Variants in PSG11 observed in about 807,000 individuals in gnomAD.
PSG11 encodes the protein pregnancy-specific beta-1-glycoprotein 11.
PSG11 carries 42 observed loss-of-function variants against 36.0 expected under a neutral mutation model. The ratio of observed to expected loss-of-function variants is 1.17; its 90% CI spans 0.91 to 1.51. PSG11 has a LOEUF of 1.51. Among genes scored for constraint, PSG11 ranks in the 40% most tolerant of loss-of-function variants. The pLI, the probability that PSG11 is intolerant of heterozygous loss-of-function variation, is 0.00. For synonymous variants in PSG11, 206 were observed against 153.5 expected (o/e 1.34, Z -2.53); for missense variants, 558 against 403.5 (o/e 1.38, Z -3.28).
At chr19:43,022,889 G>T in intron 2 of PSG11, among the ~76,000 whole-genome samples, 1 of 150,502 alleles carries the variant, frequency 6.6e-6, no homozygotes, top group African/African-American at 2.5e-5. Flanking sequence ...GAATAGAACA[G>T]CCAGCCTAGT....
rs550910186 is a variant in PSG11 at position 43,022,775 on chromosome 19, A to T, written c.430+1916T>A. On this transcript the variant is annotated intron_variant, in intron 2 of 5. Coordinates refer to ENST00000320078, the MANE Select transcript of PSG11 (RefSeq NM_002785.3). ...AGCTCATTCTCTTAGTGACCTGGGG[A>T]CATTGGCTCGAGATGAAGCCTGGCA... Among the ~76,000 whole-genome samples the T allele has an allele frequency of 7.6e-3, 1,150 of 150,968 alleles. 47 individuals carry two copies. Among genetic ancestry groups the T allele is most frequent in the African/African-American group, 0.026 (1,067 of 40,888 alleles).
chr19:43,021,063 A>G (rs1341198233), intron 2 of PSG11, among the ~76,000 whole-genome samples: 1 of 151,408 alleles, frequency 6.6e-6, no homozygotes, highest in African/African-American at 2.4e-5. Context: ...ACCATCAGAT[A>G]GCACCCACCT....
intron 1 of PSG11, among the ~76,000 whole-genome samples, chr19:43,025,658 T>G (rs78575938): frequency 6.7e-6 from 1 of 148,986 alleles, no homozygotes; most frequent in Non-Finnish European, 1.5e-5. Context: ...CCTGGGTGTT[T>G]TTTTTTTTTT....
intron 4 of PSG11, among the ~76,000 whole-genome samples, chr19:43,012,194 A>G (rs1349388839): frequency 6.6e-6 from 1 of 151,478 alleles, no homozygotes. Flanking sequence ...CTAACATCAT[A>G]CTCAATGGAG....
intron 2 of PSG11, among the ~76,000 whole-genome samples, chr19:43,023,624 T>G (rs1360557129): frequency 6.6e-6 from 1 of 151,184 alleles, no homozygotes; most frequent in African/African-American, 2.4e-5. Flanking sequence ...TTTGAGCCAA[T>G]AAATGACTAT....
intron 1 of PSG11, 145 bp downstream of exon 1, chr19:43,026,164 A>C: frequency 2.3e-6 from 3 of 1,292,740 alleles, no homozygotes; most frequent in Non-Finnish European, 3.2e-6. Context: ...ACTGATCTTG[A>C]ACTCCTGATC....
At position 43,008,799 on chromosome 19, in the gene PSG11, G is replaced by T. The variant is rs887187033; in HGVS notation, c.*41-757C>A. Among the ~76,000 whole-genome samples, 54 of 151,030 alleles carry T rather than the reference G, an allele frequency of 3.6e-4. 2 individuals carry two copies. The highest frequency in any genetic ancestry group is 1.3e-3 in the African/African-American group (54 of 40,910). ...TTATGTATGTTGAAAAAGATCCTTAGGTAATTCCAGTACTTCTAGCTGAAA... is the reference window on the plus strand; with the variant it reads ...TTATGTATGTTGAAAAAGATCCTTATGTAATTCCAGTACTTCTAGCTGAAA... On this transcript the variant is annotated intron_variant, in intron 5 of 5. Transcript: ENST00000320078.
At chr19:43,022,427 C>A (rs1967123437) in intron 2 of PSG11, among the ~76,000 whole-genome samples, 4 of 151,258 alleles carry the variant, frequency 2.6e-5, no homozygotes, top group South Asian at 2.1e-4. Flanking sequence ...CCATCACCAA[C>A]AATCAGCAGT....
At chr19:43,018,488 T>A (rs553942932) in intron 3 of PSG11, 1 of 696,536 alleles carries the variant, frequency 1.4e-6, no homozygotes, top group African/African-American at 1.8e-5. Flanking sequence ...CCCAGCCAAA[T>A]CCTCGCTGTG....
chr19:43,022,592 C>T (rs1298754845), intron 2 of PSG11, among the ~76,000 whole-genome samples: 1 of 151,370 alleles, frequency 6.6e-6, no homozygotes, highest in Non-Finnish European at 1.5e-5. Flanking sequence ...ATCACCATTT[C>T]AATAAATTTG....
At chr19:43,010,511 G>C (rs558519457) in intron 4 of PSG11, 14 of 794,182 alleles carry the variant, frequency 1.8e-5, no homozygotes, top group East Asian at 6.8e-5. Flanking sequence ...AGGCTCCCAG[G>C]AAGGGTGTGA....
At chr19:43,013,194 CT>C (rs1568486367) in intron 4 of PSG11, among the ~76,000 whole-genome samples, 1 of 151,342 alleles carries the variant, frequency 6.6e-6, no homozygotes, top group East Asian at 1.9e-4. Context: ...CTTCATGATA[CT>C]GGATTTCACA....
At chr19:43,024,513 A>T in intron 2 of PSG11, 178 bp downstream of exon 2, 6 of 1,248,994 alleles carry the variant, frequency 4.8e-6, no homozygotes, top group Non-Finnish European at 6.8e-6. Context: ...CGGGAAAGGA[A>T]TTCTGATCTG....
Position 43,024,806 on chromosome 19 carries a change from T to C in PSG11, c.315A>G (p.Ala105=). 1 of 1,612,018 alleles carries C rather than the reference T, an allele frequency of 6.2e-7. No individual in the cohort carries two copies. Among genetic ancestry groups the C allele is most frequent in the African/African-American group, 1.3e-5 (1 of 74,444 alleles). The stretch of plus-strand genomic sequence containing the variant: ...GGGTGACATTCTGGATCAGCAGGGA[T>C]GCATTGGAATATACTGTTTCTCGTC... ...YSGRETVYSN[A]SLLIQNVTRE... The change falls in exon 2 of 6, where the codon GCA becomes GCG. Residue 105 remains alanine, a synonymous_variant. Coordinates refer to ENST00000320078, the MANE Select transcript of PSG11 (RefSeq NM_002785.3).
rs1428712131 is a variant in PSG11, at chr19:43,018,865, A to G, written c.614T>C (p.Phe205Ser). Reference sequence around the variant, plus strand: ...TCCTGCAGTATACTTTGTGACACCAAATAGAAAGAGGGTCCTGTTGGTTTC... The same window carrying G: ...TCCTGCAGTATACTTTGTGACACCAGATAGAAAGAGGGTCCTGTTGGTTTC... Reference protein sequence around the residue: ...LSETNRTLFLFGVTKYTAGPY... With the variant: ...LSETNRTLFLSGVTKYTAGPY... The change falls in exon 3 of 6, where the codon TTT becomes TCT. Residue 205 changes from phenylalanine to serine, a missense_variant. By Grantham distance (155) the Phe-to-Ser change is radical (BLOSUM62 -2). Transcript: ENST00000320078. 1.2e-6 allele frequency: 2 copies of G among 1,611,898 alleles called. No homozygotes were observed. The highest frequency in any genetic ancestry group is 1.7e-6 in the Non-Finnish European group (2 of 1,179,064).
intron 2 of PSG11, 72 bp from the exon 3 acceptor site, chr19:43,019,120 A>T: frequency 6.4e-7 from 1 of 1,568,670 alleles, no homozygotes; most frequent in Non-Finnish European, 8.6e-7. Flanking sequence ...TTTCAATCAG[A>T]ATTGGCATTT....
intron 5 of PSG11, among the ~76,000 whole-genome samples, chr19:43,009,687 A>T (rs1974023356): frequency 6.6e-6 from 1 of 151,380 alleles, no homozygotes; most frequent in Admixed American, 6.6e-5. Flanking sequence ...AAAAATAATG[A>T]AGAAGGTTTC....
chr19:43,024,534 T>C (rs1848767786), intron 2 of PSG11, 157 bp downstream of exon 2: 1 of 1,395,184 alleles, frequency 7.2e-7, no homozygotes, highest in African/African-American at 1.4e-5. Context: ...TTGAAATTTG[T>C]CTCCTCTGTG....
At chr19:43,016,721 A>G (rs1966976226) in intron 3 of PSG11, among the ~76,000 whole-genome samples, 1 of 151,574 alleles carries the variant, frequency 6.6e-6, no homozygotes, top group Non-Finnish European at 1.5e-5. Context: ...TGATCTAGGA[A>G]GAGTGAAGGG....
Sources: gnomAD v4.1 joint callset for allele counts (sites outside exome capture counted in the v4.1 genomes callset) on GRCh38, gnomAD v4.1.1 for gene constraint, MANE v1.5 for transcripts, NCBI Gene and HGNC (gene_info 2026-07-23, HGNC 2026-07-21) for gene names.